NCOR1: variants seen among roughly 807,000 people sequenced by gnomAD.
NCOR1 encodes the protein protein phosphatase 1, regulatory subunit 109.
In NCOR1, 63 loss-of-function variants were observed where a neutral mutation model predicts 288.1. That is an observed-to-expected ratio of 0.22 (90% CI 0.18 to 0.27). NCOR1 has a LOEUF of 0.27. NCOR1 is among the 10% of genes least tolerant of loss of function. The probability of loss-of-function intolerance (pLI) is 1.00; values close to 1 mark genes in which losing one functional copy is unlikely to be tolerated. For synonymous variants in NCOR1, 1,007 were observed against 1,065.9 expected, an observed-to-expected ratio of 0.94 and a Z score of 1.08; for missense variants, 2,397 against 3,019.2, an observed-to-expected ratio of 0.79 and a Z score of 4.83.
intron 15 of NCOR1, among the ~76,000 whole-genome samples, chr17:16,123,208 C>A (rs1402757460): frequency 6.6e-6 from 1 of 152,100 alleles, no homozygotes; most frequent in Admixed American, 6.6e-5. Flanking sequence ...ACATTCCTAC[C>A]ATGTTCATCA....
chr17:16,125,634 G>A (rs1195994555), intron 15 of NCOR1, among the ~76,000 whole-genome samples: 6 of 145,408 alleles, frequency 4.1e-5, no homozygotes, highest in Non-Finnish European at 7.6e-5. Flanking sequence ...CCTGGGAAGT[G>A]GAGCTTGCAG....
At chr17:16,126,331 G>T in intron 14 of NCOR1, 125 bp from the exon 15 acceptor site, 2 of 986,626 alleles carry the variant, frequency 2.0e-6, no homozygotes, top group Non-Finnish European at 1.4e-6. Context: ...TGTAACTGGT[G>T]ATCGTGTGTT....
At chr17:16,170,496 A>T (rs2082926634) in intron 4 of NCOR1, among the ~76,000 whole-genome samples, 1 of 152,162 alleles carries the variant, frequency 6.6e-6, no homozygotes, top group Admixed American at 6.5e-5. Context: ...AGTGTCAGGC[A>T]CTTCCTAATC....
At chr17:16,203,417 ACT>A (rs890740238) in intron 1 of NCOR1, among the ~76,000 whole-genome samples, 13 of 151,768 alleles carry the variant, frequency 8.6e-5, no homozygotes, top group East Asian at 1.9e-4. Context: ...TTTGTCCTTT[ACT>A]CTCTGCCAGG....
At chr17:16,071,335 T>A (rs907203825) in intron 30 of NCOR1, 74 bp downstream of exon 30, 50 of 1,536,318 alleles carry the variant, frequency 3.3e-5, no homozygotes, top group Admixed American at 8.2e-5. Context: ...GAACCACTTA[T>A]AATTATTAAG....
chr17:16,059,992 T>C (rs139650053), intron 37 of NCOR1, among the ~76,000 whole-genome samples: 14 of 152,356 alleles, frequency 9.2e-5, no homozygotes, highest in Admixed American at 3.3e-4. Flanking sequence ...TCATCACTGT[T>C]TATGTATTCA....
At chr17:16,184,760 A>T (rs1026330174) in intron 3 of NCOR1, among the ~76,000 whole-genome samples, 4 of 152,068 alleles carry the variant, frequency 2.6e-5, no homozygotes, top group Non-Finnish European at 5.9e-5. Context: ...AGGTAAATGC[A>T]CTCCCATGTT....
chr17:16,110,554 T>C lies in NCOR1; in HGVS notation c.2056-1642A>G, dbSNP rs553171617. 2.0e-5 allele frequency among the ~76,000 whole-genome samples: 3 copies of C among 152,346 alleles called. No individual in the cohort carries two copies. In the East Asian group the frequency reaches 5.8e-4, roughly 29 times the overall value. On this transcript the variant is annotated intron_variant, in intron 18 of 45. Transcript: ENST00000268712. ...ATATTTATAACTTCATGTTACTAAATAGAAGGCTTAATATCTTCTGTGTTT... is the reference window on the plus strand; with the variant it reads ...ATATTTATAACTTCATGTTACTAAACAGAAGGCTTAATATCTTCTGTGTTT...
intron 1 of NCOR1, among the ~76,000 whole-genome samples, chr17:16,195,446 G>A (rs959114299): frequency 6.6e-6 from 1 of 151,884 alleles, no homozygotes; most frequent in Non-Finnish European, 1.5e-5. Context: ...ACGCCAGCCG[G>A]GGCAACAGAG....
chr17:16,047,703 A>G (rs1294275655), intron 41 of NCOR1, among the ~76,000 whole-genome samples: 1 of 149,670 alleles, frequency 6.7e-6, no homozygotes, highest in Non-Finnish European at 1.5e-5. Context: ...TTAAAAAAAA[A>G]CAAGGTTTCC....
At chr17:16,134,659 G>A (rs768680116) in intron 14 of NCOR1, among the ~76,000 whole-genome samples, 2 of 152,076 alleles carry the variant, frequency 1.3e-5, no homozygotes, top group African/African-American at 4.8e-5. Context: ...ACAAACATCC[G>A]TGCCCCATAG....
At chr17:16,087,225 C>T (rs1273831002) in intron 22 of NCOR1, 1 of 1,304,180 alleles carries the variant, frequency 7.7e-7, no homozygotes, top group African/African-American at 1.5e-5. Flanking sequence ...AGCGGCTTTA[C>T]TGACTTCTCT....
At chr17:16,034,737 A>C in intron 45 of NCOR1, 28 bp downstream of exon 45, 2 of 1,569,762 alleles carry the variant, frequency 1.3e-6, no homozygotes, top group Non-Finnish European at 1.7e-6. Context: ...GCTCTGTCTC[A>C]TTTTCTAAGT....
At position 16,080,660 on chromosome 17, in the gene NCOR1, G is replaced by A. The variant is rs1312818210; in HGVS notation, c.3245C>T (p.Ser1082Leu). 1 of 1,614,070 alleles carries A rather than the reference G, an allele frequency of 6.2e-7. No homozygotes were observed. The highest frequency in any genetic ancestry group is 1.7e-5 in the Admixed American group (1 of 60,012). The change falls in exon 24 of 46, where the codon TCA (serine) becomes TTA (leucine). Residue 1082 changes from serine (S) to leucine (L), a missense_variant. Physicochemically the swap from Ser to Leu is moderately radical, Grantham distance 145. Coordinates refer to ENST00000268712, the MANE Select transcript of NCOR1 (RefSeq NM_006311.4). The part of the protein sequence containing the change: ...ASYTQETPKP[S>L]VGSISLGLPR... ...CAGTCCAAGAGAGATAGATCCCACT[G>A]ACGGCTTGGGTGTTTCTTGAGTGTA...
chr17:16,146,320 G>T, intron 10 of NCOR1, 56 bp downstream of exon 10: 1 of 1,492,092 alleles, frequency 6.7e-7, no homozygotes, highest in South Asian at 1.4e-5. Context: ...TTAAAAAAAA[G>T]AAACAATAAA....
At chr17:16,181,708 A>G (rs2085524796) in intron 3 of NCOR1, among the ~76,000 whole-genome samples, 1 of 152,214 alleles carries the variant, frequency 6.6e-6, no homozygotes. Flanking sequence ...AATAAAATTT[A>G]TTTTAATATG....
chr17:16,168,956 T>A (rs2082582174), intron 4 of NCOR1, among the ~76,000 whole-genome samples: 2 of 143,876 alleles, frequency 1.4e-5, no homozygotes. Context: ...AAAGTGAGAC[T>A]CCGTCTCAAA....
At chr17:16,158,720 G>C in intron 6 of NCOR1, 40 bp downstream of exon 6, 1 of 1,269,774 alleles carries the variant, frequency 7.9e-7, no homozygotes, top group Admixed American at 1.9e-5. Flanking sequence ...TCGTCAAGTG[G>C]GGTTAAAGGC....
intron 3 of NCOR1, among the ~76,000 whole-genome samples, chr17:16,178,323 C>T (rs1218234466): frequency 6.6e-6 from 1 of 151,592 alleles, no homozygotes; most frequent in Non-Finnish European, 1.5e-5. Context: ...CACAGTGAAA[C>T]CCCATTTCTG....
Sources: allele counts gnomAD v4.1 joint callset (sites outside exome capture counted in the v4.1 genomes callset), GRCh38; gene constraint gnomAD v4.1.1; transcripts MANE v1.5; gene names NCBI Gene and HGNC (gene_info 2026-07-23, HGNC 2026-07-21).